TSHZ2: variants seen among roughly 807,000 people sequenced by gnomAD.
TSHZ2 encodes the protein teashirt homolog 2.
Under a neutral mutation model 74.4 loss-of-function variants are expected in TSHZ2, and 21 were observed. The ratio of observed to expected loss-of-function variants is 0.28; its 90% CI spans 0.20 to 0.41. The LOEUF (loss-of-function observed/expected upper bound fraction) is 0.41, where lower values mean the gene tolerates loss of function less well. TSHZ2 is among the 10% of genes least tolerant of loss of function. The pLI is 1.00. For missense variants in TSHZ2, 1,244 were observed against 1,293.5 expected, an observed-to-expected ratio of 0.96 and a Z score of 0.59; for synonymous variants, 540 against 515.3, an observed-to-expected ratio of 1.05 and a Z score of -0.65.
intron 2 of TSHZ2, among the ~76,000 whole-genome samples, chr20:53,354,470 A>C (rs765730360): frequency 1.3e-5 from 2 of 152,264 alleles, no homozygotes; most frequent in African/African-American, 4.8e-5. Context: ...AAAGCATTTA[A>C]TTTAAGCACA....
chr20:53,036,867 C>T (rs6022239), intron 1 of TSHZ2, among the ~76,000 whole-genome samples: 74,125 of 149,858 alleles, frequency 0.49, 19,146 homozygotes, highest in East Asian at 0.72. Context: ...ATAGACATCT[C>T]TTTAATGGAA....
intron 1 of TSHZ2, among the ~76,000 whole-genome samples, chr20:53,078,736 T>C (rs1985442657): frequency 1.3e-5 from 2 of 152,092 alleles, no homozygotes; most frequent in South Asian, 2.1e-4. Context: ...AGTGGGTGGA[T>C]TGAGATAGAT....
chr20:53,334,329 T>A (rs1273092181), intron 2 of TSHZ2, among the ~76,000 whole-genome samples: 2 of 151,498 alleles, frequency 1.3e-5, no homozygotes, highest in Admixed American at 1.3e-4. Context: ...GTGAAAGGAG[T>A]CATCTGAGCT....
chr20:53,312,561 T>C (rs1978838408), intron 2 of TSHZ2, among the ~76,000 whole-genome samples: 2 of 152,128 alleles, frequency 1.3e-5, no homozygotes, highest in Non-Finnish European at 2.9e-5. Flanking sequence ...GTAGGTGAAA[T>C]GGCACCAGTC....
chr20:53,074,545 A>G lies in TSHZ2; in HGVS notation c.40+101212A>G, dbSNP rs1010201995. 5.9e-5 allele frequency among the ~76,000 whole-genome samples: 9 copies of G among 152,230 alleles called. No individual in the cohort carries two copies. Among genetic ancestry groups the G allele is most frequent in the African/African-American group, 2.2e-4 (9 of 41,458 alleles). ...TGATTGTTGGAAAGTTCAAGTATAC[A>G]CAGACTAAACAGCTGGACAAAACTT... is the stretch of plus-strand genomic sequence containing the variant. On this transcript the variant is annotated intron_variant, in intron 1 of 2. Transcript: ENST00000371497. The surrounding 1 kb of genome is among the most constrained non-coding windows in gnomAD (Gnocchi z 5.9).
At chr20:53,153,175 A>G (rs1987714385) in intron 1 of TSHZ2, among the ~76,000 whole-genome samples, 1 of 152,202 alleles carries the variant, frequency 6.6e-6, no homozygotes, top group African/African-American at 2.4e-5. Context: ...AAGAGAGAAA[A>G]GAATATCTGC....
intron 1 of TSHZ2, among the ~76,000 whole-genome samples, chr20:53,229,266 C>CCAGTACGTCACCTTTGCCCTGGGT (rs562551796): frequency 4.6e-5 from 7 of 152,178 alleles, no homozygotes; most frequent in Middle Eastern, 6.8e-3. Flanking sequence ...AGCAGCTAAC[C>CCAGTACGTCACCTTTGCCCTGGGT]CAGTACGTCA....
intron 1 of TSHZ2, among the ~76,000 whole-genome samples, chr20:53,182,155 CTCTTCCTTTTCTTTCTT>C (rs1180957348): frequency 4.8e-5 from 7 of 145,272 alleles, no homozygotes; most frequent in Non-Finnish European, 1.1e-4. Flanking sequence ...CTCCCTCCCT[CTCTTCCTTTTCTTTCTT>C]TCTTCCTTCC....
At chr20:53,440,318 G>T (rs1984263102) in intron 2 of TSHZ2, among the ~76,000 whole-genome samples, 1 of 152,164 alleles carries the variant, frequency 6.6e-6, no homozygotes, top group Non-Finnish European at 1.5e-5. Flanking sequence ...AGTAACAAGA[G>T]GGCAGCCTGG....
intron 1 of TSHZ2, among the ~76,000 whole-genome samples, chr20:53,122,419 G>A (rs573789898): frequency 6.6e-6 from 1 of 151,764 alleles, no homozygotes; most frequent in South Asian, 2.1e-4. Context: ...ACAAAAAAAC[G>A]AAAGATCTAC....
intron 1 of TSHZ2, among the ~76,000 whole-genome samples, chr20:53,069,126 A>G (rs1223868991): frequency 6.6e-6 from 1 of 152,192 alleles, no homozygotes; most frequent in African/African-American, 2.4e-5. Flanking sequence ...GGAATAATGC[A>G]TTAATCCTCA....
intron 1 of TSHZ2, among the ~76,000 whole-genome samples, chr20:53,022,941 T>C (rs931116070): frequency 1.9e-4 from 29 of 152,084 alleles, no homozygotes; most frequent in Non-Finnish European, 2.6e-4. Context: ...ATGCATTGTG[T>C]GTTATTGCTT....
At chr20:53,411,115 TG>T (rs990240899) in intron 2 of TSHZ2, among the ~76,000 whole-genome samples, 5 of 152,204 alleles carry the variant, frequency 3.3e-5, no homozygotes, top group Non-Finnish European at 7.3e-5. Flanking sequence ...TTCAGCATTT[TG>T]GGGGTATCTT....
chr20:53,301,325 AT>A (rs556984930), intron 2 of TSHZ2, among the ~76,000 whole-genome samples: 120 of 152,378 alleles, frequency 7.9e-4, no homozygotes, highest in African/African-American at 2.6e-3. Flanking sequence ...CAGAAAGAAT[AT>A]GCCACTTTGA....
At position 52,996,063 on chromosome 20, in the gene TSHZ2, C is replaced by T. The variant is rs1357214061; in HGVS notation, c.40+22730C>T. ...ATGTTAATGTGGTGTTTGTAGACAA[C>T]AGTATGTTGAAGACTACTGGAATAG... On this transcript the variant is annotated intron_variant, in intron 1 of 2. Coordinates refer to ENST00000371497, the MANE Select transcript of TSHZ2 (RefSeq NM_173485.6). Among the ~76,000 whole-genome samples the T allele has an allele frequency of 4.6e-5, 7 of 152,182 alleles. No homozygotes were observed. In the East Asian group the frequency reaches 1.3e-3, roughly 29 times the overall value.
intron 1 of TSHZ2, among the ~76,000 whole-genome samples, chr20:53,112,059 G>T (rs1404555105): frequency 6.6e-6 from 1 of 152,078 alleles, no homozygotes; most frequent in African/African-American, 2.4e-5. Flanking sequence ...GCAGAATATG[G>T]GCCTTCCCTC....
intron 2 of TSHZ2, among the ~76,000 whole-genome samples, chr20:53,323,777 C>T (rs1386449015): frequency 6.6e-6 from 1 of 151,864 alleles, no homozygotes; most frequent in Non-Finnish European, 1.5e-5. Context: ...AGGTTTTCAC[C>T]ATGTTGGCCA....
intron 2 of TSHZ2, among the ~76,000 whole-genome samples, chr20:53,405,309 T>C (rs1443884679): frequency 1.3e-5 from 2 of 151,926 alleles, no homozygotes; most frequent in East Asian, 3.9e-4. Flanking sequence ...CTTGAAGTAG[T>C]ATCTAAGAAC....
chr20:53,427,086 T>TC, intron 2 of TSHZ2, among the ~76,000 whole-genome samples: 1 of 152,188 alleles, frequency 6.6e-6, no homozygotes, highest in Non-Finnish European at 1.5e-5. Flanking sequence ...GCCGTGAAGC[T>TC]CGCCTGCCTT....
Sources: gnomAD v4.1 joint callset for allele counts (sites outside exome capture counted in the v4.1 genomes callset) on GRCh38, gnomAD v4.1.1 for gene constraint, Gnocchi (gnomAD v3.1) non-coding constraint, MANE v1.5 for transcripts, NCBI Gene and HGNC (gene_info 2026-07-23, HGNC 2026-07-21) for gene names.